RAB11FIP3: variants seen among roughly 807,000 people sequenced by gnomAD.
RAB11FIP3 encodes the protein rab11 family-interacting protein 3.
In RAB11FIP3, 17 loss-of-function variants were observed where a neutral mutation model predicts 77.8. The observed-to-expected ratio is 0.22, with a 90% CI of 0.15 to 0.33. RAB11FIP3 has a LOEUF of 0.33. Ranked by LOEUF, RAB11FIP3 falls within the 10% of genes least tolerant of loss-of-function variation. The probability of loss-of-function intolerance (pLI) is 1.00; values close to 1 mark genes in which losing one functional copy is unlikely to be tolerated. For synonymous variants in RAB11FIP3, 437 were observed against 448.2 expected, an observed-to-expected ratio of 0.98 and a Z score of 0.31; for missense variants, 1,005 against 1,011.2, an observed-to-expected ratio of 0.99 and a Z score of 0.08.
chr16:473,659 C>CA (rs1181892203), intron 3 of RAB11FIP3, among the ~76,000 whole-genome samples: 1 of 152,080 alleles, frequency 6.6e-6, no homozygotes, highest in African/African-American at 2.4e-5. Flanking sequence ...AGGCTGCTCT[C>CA]AAACTCCTGA....
intron 8 of RAB11FIP3, chr16:510,403 T>A (rs1206043840): frequency 2.2e-6 from 1 of 456,178 alleles, no homozygotes; most frequent in Non-Finnish European, 4.0e-6. Context: ...GCAGTGCCTG[T>A]GGGTATCAGC....
At chr16:496,693 G>GGGGC in intron 5 of RAB11FIP3, 131 bp from the exon 6 acceptor site, 1 of 848,478 alleles carries the variant, frequency 1.2e-6, no homozygotes, top group Non-Finnish European at 1.9e-6. Flanking sequence ...ACTTGCCTGG[G>GGGGC]GGGCCCTGCA....
chr16:510,696 G>C lies in RAB11FIP3; in HGVS notation c.1536G>C (p.Glu512Asp), dbSNP rs1432664531. The change falls in exon 9 of 14, where the codon GAG (glutamate) becomes GAC (aspartate). Residue 512 changes from glutamate to aspartate, a missense_variant. By Grantham distance (45) the Glu-to-Asp change is conservative. Around this residue, in one of 4 missense-constraint regions of RAB11FIP3, gnomAD observed 433 missense variants for 436.1 expected, o/e 0.99. Transcript: ENST00000262305. ...TGGAGGAGCAGCTGAAGGAGCAGGA[G>C]CTGAGAGCCTGCGAGATGGTCCTGG... ...NALEEQLKEQ[E>D]LRACEMVLEE... is the part of the protein sequence containing the mutation. 6.2e-7 allele frequency: 1 copy of C among 1,611,986 alleles called. No individual in the cohort carries two copies. Among genetic ancestry groups the C allele is most frequent in the Non-Finnish European group, 8.5e-7 (1 of 1,179,450 alleles).
chr16:492,459 CGG>C (rs35752325), intron 5 of RAB11FIP3, among the ~76,000 whole-genome samples: 25 of 48,600 alleles, frequency 5.1e-4, no homozygotes, highest in Non-Finnish European at 6.3e-4. Context: ...GGGCCCTTCC[CGG>C]GGAGACCCGA....
intron 8 of RAB11FIP3, chr16:510,414 TG>T: frequency 2.1e-6 from 1 of 480,122 alleles, no homozygotes; most frequent in Non-Finnish European, 3.7e-6. Flanking sequence ...GGGTATCAGC[TG>T]GGCCTAGGTG....
At chr16:429,672 G>A (rs963108751) in intron 1 of RAB11FIP3, among the ~76,000 whole-genome samples, 10 of 151,876 alleles carry the variant, frequency 6.6e-5, no homozygotes, top group African/African-American at 2.4e-4. Flanking sequence ...GCTATTTTTT[G>A]TATTTTTAGT....
At chr16:502,615 A>G in intron 6 of RAB11FIP3, 1 of 280,484 alleles carries the variant, frequency 3.6e-6, no homozygotes, top group Non-Finnish European at 6.7e-6. Flanking sequence ...TCCTGAGCTG[A>G]TGTCTCACAG....
In RAB11FIP3 at chr16:514,134, C is replaced by T. The variant is rs902552830; in HGVS notation, c.1640+3334C>T. Reference sequence around the variant, plus strand: ...GAGCAAGCCGCCTGCCCACCCTAAGCGCTTGGGGTCAGTGCCACCGTGTTC... The same window carrying T: ...GAGCAAGCCGCCTGCCCACCCTAAGTGCTTGGGGTCAGTGCCACCGTGTTC... On this transcript the variant is annotated intron_variant, in intron 9 of 13. Transcript: ENST00000262305. The surrounding 1 kb of genome is among the most constrained non-coding windows in gnomAD (Gnocchi z 4.6). 6.6e-6 allele frequency among the ~76,000 whole-genome samples: 1 copy of T among 152,196 alleles called. No individual in the cohort carries two copies. Among genetic ancestry groups the T allele is most frequent in the Non-Finnish European group, 1.5e-5 (1 of 68,026 alleles).
At chr16:435,207 A>G (rs2055109194) in intron 1 of RAB11FIP3, among the ~76,000 whole-genome samples, 1 of 151,204 alleles carries the variant, frequency 6.6e-6, no homozygotes, top group African/African-American at 2.4e-5. Flanking sequence ...TCCGTCTCAA[A>G]AAAAAAAAAA....
intron 1 of RAB11FIP3, among the ~76,000 whole-genome samples, chr16:441,837 CT>C (rs767037569): frequency 1.5e-4 from 23 of 152,140 alleles, no homozygotes; most frequent in Non-Finnish European, 2.8e-4. Context: ...TCTAATCATG[CT>C]TTTTTGTTTG....
At chr16:449,047 G>C (rs1024182001) in intron 1 of RAB11FIP3, among the ~76,000 whole-genome samples, 1 of 150,448 alleles carries the variant, frequency 6.6e-6, no homozygotes, top group Non-Finnish European at 1.5e-5. Context: ...GCTAGGTCCT[G>C]CTCTGTCCGC....
intron 1 of RAB11FIP3, among the ~76,000 whole-genome samples, chr16:436,759 C>T (rs1254731762): frequency 3.3e-5 from 5 of 152,086 alleles, no homozygotes; most frequent in African/African-American, 7.2e-5. Context: ...TATGAGCTAC[C>T]GCGCCCAGCC....
At chr16:436,613 C>T (rs960737436) in intron 1 of RAB11FIP3, among the ~76,000 whole-genome samples, 1 of 152,108 alleles carries the variant, frequency 6.6e-6, no homozygotes, top group Non-Finnish European at 1.5e-5. Context: ...TCCTGAGTAG[C>T]TGGGACTATA....
In RAB11FIP3 at chr16:510,763, A is replaced by T. The variant is rs1280917803; in HGVS notation, c.1603A>T (p.Arg535Trp). The change falls in exon 9 of 14, where the codon AGG (arginine) becomes TGG (tryptophan). Residue 535 changes from arginine to tryptophan, a missense_variant. This residue lies in a region of RAB11FIP3 where 433 missense variants were observed against 436.1 expected (regional missense o/e 0.99). Coordinates refer to ENST00000262305, the MANE Select transcript of RAB11FIP3 (RefSeq NM_014700.4). Reference protein sequence around the residue: ...RQKELLCKMEREKSIEIENLQ... With the variant: ...RQKELLCKMEWEKSIEIENLQ... ...GAAGGAGCTCCTGTGCAAGATGGAG[A>T]GGGAGAAGAGCATTGAGATCGAGAA... 1 of 1,613,372 alleles carries T rather than the reference A, an allele frequency of 6.2e-7. No individual in the cohort carries two copies. The highest frequency in any genetic ancestry group is 8.5e-7 in the Non-Finnish European group (1 of 1,179,826).
chr16:460,158 G>A (rs773727761), intron 1 of RAB11FIP3, among the ~76,000 whole-genome samples: 3 of 152,134 alleles, frequency 2.0e-5, no homozygotes, highest in Non-Finnish European at 4.4e-5. Flanking sequence ...GATTACAGGT[G>A]TGAGCCACCG....
intron 1 of RAB11FIP3, among the ~76,000 whole-genome samples, chr16:438,559 C>T (rs2055170765): frequency 6.6e-6 from 1 of 150,464 alleles, no homozygotes; most frequent in Non-Finnish European, 1.5e-5. Context: ...GTGCACGCCA[C>T]CACGCCTGGC....
rs565059818 is a variant in RAB11FIP3 at position 496,713 on chromosome 16, C to G, written c.1266-111C>G. 45 of 1,035,344 alleles carry G rather than the reference C, an allele frequency of 4.3e-5. No homozygotes were observed. The East Asian group carries it at 1.1e-3, about 26-fold the overall frequency. The allele number at this position is 1,035,344 out of a possible 1,614,324, so 64.1% of individuals were successfully genotyped here. ...CCTGGGGGGCCCTGCATGCCGGGAG[C>G]ATTGCTGAAAGGCCGCCCACCTCGT... On this transcript the variant is annotated intron_variant, in intron 5 of 13. Transcript: ENST00000262305.
intron 5 of RAB11FIP3, among the ~76,000 whole-genome samples, chr16:492,386 A>AGGGCCCTTCCCGG (rs1567391915): frequency 2.2e-4 from 32 of 143,498 alleles, no homozygotes; most frequent in South Asian, 4.5e-4. Flanking sequence ...GAGGCCGCCC[A>AGGGCCCTTCCCGG]GAGCCCTCCC....
At position 471,564 on chromosome 16, in the gene RAB11FIP3, TTGTC is replaced by T. The variant is rs2055809307; in HGVS notation, c.903+180_903+183del. 6.6e-6 allele frequency among the ~76,000 whole-genome samples: 1 copy of T among 151,914 alleles called. No individual in the cohort carries two copies. The highest frequency in any genetic ancestry group is 1.5e-5 in the Non-Finnish European group (1 of 67,966). On this transcript the variant is annotated intron_variant, in intron 3 of 13. Transcript: ENST00000262305. This position sits in a 1 kb window ranked among gnomAD's most constrained non-coding sequence, Gnocchi z 4.4. The stretch of plus-strand genomic sequence containing the variant: ...TGTGGCTGTGACGGGAGGCCCACAG[TTGTC>T]TGTCCCACACGCCCTGTCAGCCTGG...
Sources: gnomAD v4.1 joint callset for allele counts (sites outside exome capture counted in the v4.1 genomes callset) on GRCh38, gnomAD v4.1.1 for gene constraint, gnomAD v4.1.1 regional missense constraint, Gnocchi (gnomAD v3.1) non-coding constraint, MANE v1.5 for transcripts, NCBI Gene and HGNC (gene_info 2026-07-23, HGNC 2026-07-21) for gene names.